KCNQ5: variants seen among roughly 807,000 people sequenced by gnomAD.
KCNQ5 encodes the protein potassium voltage-gated channel subfamily Q member 5.
Under a neutral mutation model 98.2 loss-of-function variants are expected in KCNQ5, and 30 were observed. The observed-to-expected ratio is 0.31, with a 90% CI of 0.23 to 0.41. The LOEUF (loss-of-function observed/expected upper bound fraction) is 0.41. Among genes scored for constraint, KCNQ5 ranks in the 10% least tolerant of loss-of-function variants. The probability of loss-of-function intolerance (pLI) is 1.00; values close to 1 mark genes in which losing one functional copy is unlikely to be tolerated. For synonymous variants in KCNQ5, 458 were observed against 449.4 expected, an observed-to-expected ratio of 1.02 and a Z score of -0.24; for missense variants, 835 against 1,182.5, an observed-to-expected ratio of 0.71 and a Z score of 4.31.
intron 1 of KCNQ5, among the ~76,000 whole-genome samples, chr6:72,978,029 T>C (rs7747839): frequency 0.2 from 30,432 of 152,140 alleles, 4,508 homozygotes; most frequent in African/African-American, 0.42. Flanking sequence ...AAGTTTTCTG[T>C]TCTCATGGAG....
At chr6:73,186,937 C>T (rs1477849001) in intron 11 of KCNQ5, among the ~76,000 whole-genome samples, 2 of 152,148 alleles carry the variant, frequency 1.3e-5, no homozygotes, top group Non-Finnish European at 1.5e-5. Context: ...GCTATCCCTC[C>T]CCCTGCTCCC....
intron 1 of KCNQ5, among the ~76,000 whole-genome samples, chr6:72,946,247 G>T (rs1399696522): frequency 6.6e-6 from 1 of 152,116 alleles, no homozygotes; most frequent in Non-Finnish European, 1.5e-5. Context: ...TCACAACAAT[G>T]TTAAAGCAAT....
At chr6:72,949,132 T>C (rs1766679930) in intron 1 of KCNQ5, among the ~76,000 whole-genome samples, 1 of 152,174 alleles carries the variant, frequency 6.6e-6, no homozygotes, top group Admixed American at 6.5e-5. Context: ...CTTTCTCAAA[T>C]GGATGCTGAA....
At position 72,975,758 on chromosome 6, in the gene KCNQ5, A is replaced by C. The variant is rs538357199; in HGVS notation, c.399-28150A>C. Among the ~76,000 whole-genome samples the C allele has an allele frequency of 3.3e-5, 5 of 152,312 alleles. No individual in the cohort carries two copies. In the East Asian group the frequency reaches 9.6e-4, roughly 29 times the overall value. On this transcript the variant is annotated intron_variant, in intron 1 of 13. Transcript: ENST00000370398. The stretch of plus-strand genomic sequence containing the variant: ...TATTTCTGTAAGCCAAATCAAGTGG[A>C]CAAAATCAGTAGCAATTCCCCACTC...
At chr6:72,777,545 C>T (rs767220417) in intron 1 of KCNQ5, among the ~76,000 whole-genome samples, 5 of 152,116 alleles carry the variant, frequency 3.3e-5, no homozygotes, top group Admixed American at 2.0e-4. Flanking sequence ...CACATTTTTC[C>T]ACCTCCACCC....
chr6:73,071,514 T>G (rs953323745), intron 3 of KCNQ5, among the ~76,000 whole-genome samples: 1 of 152,112 alleles, frequency 6.6e-6, no homozygotes, highest in African/African-American at 2.4e-5. Flanking sequence ...AGAAAGTAGG[T>G]TTATGTGGCT....
intron 3 of KCNQ5, among the ~76,000 whole-genome samples, chr6:73,046,935 G>A (rs557460555): frequency 2.6e-4 from 39 of 152,252 alleles, no homozygotes; most frequent in Admixed American, 1.3e-4. Context: ...GAGCCACCAC[G>A]CCTGGCCTTT....
At chr6:73,148,032 T>C (rs1247591748) in intron 10 of KCNQ5, among the ~76,000 whole-genome samples, 1 of 151,892 alleles carries the variant, frequency 6.6e-6, no homozygotes, top group African/African-American at 2.4e-5. Context: ...CATATGCAAT[T>C]AAAAAGAAGA....
chr6:72,839,440 T>C (rs1188961204), intron 1 of KCNQ5, among the ~76,000 whole-genome samples: 1 of 152,222 alleles, frequency 6.6e-6, no homozygotes, highest in Non-Finnish European at 1.5e-5. Context: ...AAGTAGATCG[T>C]GTTTTCCTGG....
At position 72,984,267 on chromosome 6, in the gene KCNQ5, T is replaced by C. The variant is rs529281833; in HGVS notation, c.399-19641T>C. On this transcript the variant is annotated intron_variant, in intron 1 of 13. Transcript: ENST00000370398. ...GAGCTGTCAGACAGGGACGTTTAAATCTGCAGTGGTTTCTGCTGCCCTTTG... is the reference window on the plus strand; with the variant it reads ...GAGCTGTCAGACAGGGACGTTTAAACCTGCAGTGGTTTCTGCTGCCCTTTG... Among the ~76,000 whole-genome samples the C allele has an allele frequency of 4.6e-5, 7 of 152,310 alleles. 1 individual carries two copies. The East Asian group carries it at 1.4e-3, about 29-fold the overall frequency.
chr6:72,859,218 G>C (rs1777658489), intron 1 of KCNQ5, among the ~76,000 whole-genome samples: 1 of 151,976 alleles, frequency 6.6e-6, no homozygotes, highest in South Asian at 2.1e-4. Flanking sequence ...TATTATAATA[G>C]AGTTCTATAA....
chr6:73,081,728 T>C (rs948442549), intron 5 of KCNQ5, among the ~76,000 whole-genome samples: 4 of 152,206 alleles, frequency 2.6e-5, no homozygotes, highest in African/African-American at 9.6e-5. Flanking sequence ...GAAGGATTTA[T>C]ATCTCCTGAT....
chr6:72,908,215 A>G (rs2150202218), intron 1 of KCNQ5, among the ~76,000 whole-genome samples: 1 of 152,192 alleles, frequency 6.6e-6, no homozygotes, highest in Admixed American at 6.5e-5. Context: ...AGAGAGGGAG[A>G]ACATGGGGAG....
chr6:72,916,030 T>C (rs1264788272), intron 1 of KCNQ5, among the ~76,000 whole-genome samples: 1 of 152,160 alleles, frequency 6.6e-6, no homozygotes, highest in Non-Finnish European at 1.5e-5. Context: ...TTAGGCAGCT[T>C]TGGTTTTTAT....
intron 11 of KCNQ5, among the ~76,000 whole-genome samples, chr6:73,171,953 G>C (rs930555212): frequency 6.6e-6 from 1 of 152,192 alleles, no homozygotes; most frequent in South Asian, 2.1e-4. Context: ...AAAGGATTGT[G>C]AGCTGCAAGA....
At chr6:73,059,117 T>C (rs1389183959) in intron 3 of KCNQ5, among the ~76,000 whole-genome samples, 1 of 152,242 alleles carries the variant, frequency 6.6e-6, no homozygotes, top group Non-Finnish European at 1.5e-5. Flanking sequence ...TGCACTCATA[T>C]ATTCATCTCA....
At chr6:73,170,693 G>A (rs1030696776) in intron 11 of KCNQ5, among the ~76,000 whole-genome samples, 1 of 152,028 alleles carries the variant, frequency 6.6e-6, no homozygotes, top group Non-Finnish European at 1.5e-5. Flanking sequence ...CAGCACTTTC[G>A]GAGGCTGAGG....
intron 1 of KCNQ5, among the ~76,000 whole-genome samples, chr6:72,788,331 G>T (rs4707992): frequency 0.74 from 112,887 of 152,140 alleles, 42,716 homozygotes; most frequent in African/African-American, 0.9. Context: ...CCCTTTGCCT[G>T]TATTAACAAG....
chr6:72,961,829 G>A (rs1237086018), intron 1 of KCNQ5, among the ~76,000 whole-genome samples: 2 of 151,942 alleles, frequency 1.3e-5, no homozygotes, highest in Non-Finnish European at 2.9e-5. Context: ...GATTATATCT[G>A]TAAGTGAAGT....
Sources: allele counts gnomAD v4.1 joint callset (sites outside exome capture counted in the v4.1 genomes callset), GRCh38; gene constraint gnomAD v4.1.1; transcripts MANE v1.5; gene names NCBI Gene and HGNC (gene_info 2026-07-23, HGNC 2026-07-21).